Variants in MAP3K21 observed in about 807,000 individuals in gnomAD.
The protein encoded by MAP3K21 is mitogen-activated protein kinase kinase kinase 21.
In MAP3K21, 63 loss-of-function variants were observed where a neutral mutation model predicts 86.1. The observed-to-expected ratio is 0.73, with a 90% CI of 0.60 to 0.90. The LOEUF is 0.90. MAP3K21 is among the 40% of genes least tolerant of loss of function. The pLI is 0.00. For missense variants in MAP3K21, 1,220 were observed against 1,367.7 expected (o/e 0.89, Z 1.70); for synonymous variants, 558 against 564.8 (o/e 0.99, Z 0.17).
rs557096875 is a variant in MAP3K21 at position 233,347,248 on chromosome 1, A to C, written c.986+626A>C. 3.3e-4 allele frequency among the ~76,000 whole-genome samples: 51 copies of C among 152,318 alleles called. No individual in the cohort carries two copies. In the East Asian group the frequency reaches 4.2e-3, roughly 13 times the overall value. ...TTCCTTGTGACTCACAGGCAATATTAGCATGGAAGGAATTTAAGAAAAAAA... is the reference window on the plus strand; with the variant it reads ...TTCCTTGTGACTCACAGGCAATATTCGCATGGAAGGAATTTAAGAAAAAAA... On this transcript the variant is annotated intron_variant, in intron 2 of 9. Coordinates refer to ENST00000366624, the MANE Select transcript of MAP3K21 (RefSeq NM_032435.3).
intron 5 of MAP3K21, among the ~76,000 whole-genome samples, chr1:233,368,876 A>G (rs1377415808): frequency 6.6e-6 from 1 of 151,980 alleles, no homozygotes; most frequent in Admixed American, 6.6e-5. Context: ...ATTATAAAAC[A>G]TATATGCAGT....
At chr1:233,370,323 T>C (rs1315538240) in intron 5 of MAP3K21, among the ~76,000 whole-genome samples, 2 of 152,220 alleles carry the variant, frequency 1.3e-5, no homozygotes, top group Non-Finnish European at 2.9e-5. Flanking sequence ...GACCTTAAGT[T>C]ACTTTCTTGA....
intron 2 of MAP3K21, among the ~76,000 whole-genome samples, chr1:233,350,243 G>T (rs1476545507): frequency 6.6e-6 from 1 of 151,648 alleles, no homozygotes. Context: ...GTTATTTTTT[G>T]TTGTTTTTTT....
chr1:233,352,140 C>T (rs1246661143), intron 2 of MAP3K21, among the ~76,000 whole-genome samples: 1 of 152,108 alleles, frequency 6.6e-6, no homozygotes, highest in African/African-American at 2.4e-5. Context: ...GCCCACTTCA[C>T]CTTCCCCAAA....
At chr1:233,333,772 G>T (rs1056937819) in intron 1 of MAP3K21, among the ~76,000 whole-genome samples, 3 of 152,162 alleles carry the variant, frequency 2.0e-5, no homozygotes, top group Non-Finnish European at 4.4e-5. Flanking sequence ...ATTTAAGAAG[G>T]TCATTTGTAA....
intron 5 of MAP3K21, among the ~76,000 whole-genome samples, chr1:233,371,555 T>G (rs1400411176): frequency 6.6e-6 from 1 of 152,120 alleles, no homozygotes; most frequent in African/African-American, 2.4e-5. Context: ...AGATGGGGTT[T>G]TGCCATGTTG....
chr1:233,363,702 CA>C (rs532871020), intron 5 of MAP3K21, among the ~76,000 whole-genome samples: 8 of 90,542 alleles, frequency 8.8e-5, no homozygotes, highest in Non-Finnish European at 9.1e-5. Flanking sequence ...AACTCTGTCT[CA>C]AAAAAAAAAA....
At chr1:233,370,770 A>G (rs1184470083) in intron 5 of MAP3K21, among the ~76,000 whole-genome samples, 1 of 152,238 alleles carries the variant, frequency 6.6e-6, no homozygotes, top group African/African-American at 2.4e-5. Flanking sequence ...ATGCAGGATT[A>G]GATTGCTGGG....
chr1:233,331,656 G>A (rs1009779725), intron 1 of MAP3K21, among the ~76,000 whole-genome samples: 2 of 152,180 alleles, frequency 1.3e-5, no homozygotes, highest in Non-Finnish European at 2.9e-5. Context: ...GTACCAAAGA[G>A]CTAATAGAAG....
At chr1:233,346,362 T>G (rs1663139218) in intron 1 of MAP3K21, 80 bp from the exon 2 acceptor site, 1 of 1,077,992 alleles carries the variant, frequency 9.3e-7, no homozygotes, top group Middle Eastern at 2.9e-4. Context: ...CAGTGAAGAT[T>G]GTGTTTTACA....
intron 5 of MAP3K21, among the ~76,000 whole-genome samples, chr1:233,370,540 C>T (rs1558461582): frequency 6.6e-6 from 1 of 152,188 alleles, no homozygotes; most frequent in Non-Finnish European, 1.5e-5. Context: ...GCTGTCCTTG[C>T]CTACCAACTT....
chr1:233,377,537 A>G (rs1663823722), intron 8 of MAP3K21, among the ~76,000 whole-genome samples: 1 of 152,176 alleles, frequency 6.6e-6, no homozygotes, highest in Non-Finnish European at 1.5e-5. Context: ...GGTACCCCAA[A>G]CAAAAGGCAC....
At chr1:233,366,130 A>T (rs561211481) in intron 5 of MAP3K21, among the ~76,000 whole-genome samples, 56 of 152,116 alleles carry the variant, frequency 3.7e-4, no homozygotes, top group African/African-American at 1.3e-3. Flanking sequence ...TATATGTGGG[A>T]GCGAAAAAAA....
chr1:233,374,753 G>A (rs1232105952), intron 6 of MAP3K21, among the ~76,000 whole-genome samples: 1 of 151,516 alleles, frequency 6.6e-6, no homozygotes, highest in Non-Finnish European at 1.5e-5. Context: ...TAATGAAAAT[G>A]TATTTATTAT....
At chr1:233,363,920 G>A (rs1266963397) in intron 5 of MAP3K21, among the ~76,000 whole-genome samples, 3 of 151,636 alleles carry the variant, frequency 2.0e-5, no homozygotes, top group East Asian at 1.9e-4. Flanking sequence ...AGGCTGAGGC[G>A]GGGGAATCTC....
chr1:233,343,017 G>A (rs1663067397), intron 1 of MAP3K21, among the ~76,000 whole-genome samples: 1 of 152,176 alleles, frequency 6.6e-6, no homozygotes, highest in African/African-American at 2.4e-5. Flanking sequence ...TAACCCAACA[G>A]TATTTATTCA....
intron 5 of MAP3K21, among the ~76,000 whole-genome samples, chr1:233,363,268 G>C (rs953998775): frequency 3.3e-5 from 5 of 152,170 alleles, no homozygotes; most frequent in Non-Finnish European, 7.3e-5. Context: ...GATTTAAAGT[G>C]CAACAGTGAC....
rs1162365091 is a variant in MAP3K21, at chr1:233,379,577, T to A, written c.2571T>A (p.Thr857=). 2 of 1,614,186 alleles carry A rather than the reference T, an allele frequency of 1.2e-6. No homozygotes were observed. Among genetic ancestry groups the A allele is most frequent in the Admixed American group, 3.3e-5 (2 of 60,028 alleles). Reference sequence around the variant, plus strand: ...CAGCCCTCATGCCAAGACTTGACACTGATTGTAGTGTATCAAGAAACTTGC... The same window carrying A: ...CAGCCCTCATGCCAAGACTTGACACAGATTGTAGTGTATCAAGAAACTTGC... ...REPALMPRLD[T]DCSVSRNLPS... Residue 857 remains threonine (T), a synonymous_variant, in exon 9 of 10, where the codon ACT becomes ACA. Coordinates refer to ENST00000366624, the MANE Select transcript of MAP3K21 (RefSeq NM_032435.3).
chr1:233,360,030 G>GT (rs1236111291), intron 4 of MAP3K21, among the ~76,000 whole-genome samples: 2 of 152,124 alleles, frequency 1.3e-5, no homozygotes, highest in East Asian at 1.9e-4. Context: ...AATTAAAAAT[G>GT]TTTTTTTATT....
Sources: gnomAD v4.1 joint callset for allele counts (sites outside exome capture counted in the v4.1 genomes callset) on GRCh38, gnomAD v4.1.1 for gene constraint, MANE v1.5 for transcripts, NCBI Gene and HGNC (gene_info 2026-07-23, HGNC 2026-07-21) for gene names.